The following AOAH variants were observed in gnomAD, a reference collection of about 807,000 sequenced individuals.
The protein encoded by AOAH is acyloxyacyl hydrolase.
A neutral mutation model predicts 92.2 loss-of-function variants in AOAH; 64 were observed. The ratio of observed to expected loss-of-function variants is 0.69; its 90% confidence interval spans 0.57 to 0.86. The LOEUF is 0.86. AOAH is among the 40% of genes least tolerant of loss of function. The pLI is 0.00. For synonymous variants in AOAH, 263 were observed against 254.5 expected (o/e 1.03, Z -0.32); for missense variants, 656 against 694.6 (o/e 0.94, Z 0.62).
At chr7:36,716,313 T>A (rs1194040198) in intron 1 of AOAH, among the ~76,000 whole-genome samples, 1 of 151,228 alleles carries the variant, frequency 6.6e-6, no homozygotes, top group Non-Finnish European at 1.5e-5. Flanking sequence ...CATTAAAAAG[T>A]CAGGAAACAA....
chr7:36,667,794 T>TTATGTAACTCTTATCCCTTTATCCC (rs1282139197), intron 3 of AOAH, among the ~76,000 whole-genome samples: 6 of 152,364 alleles, frequency 3.9e-5, no homozygotes, highest in South Asian at 2.1e-4. Context: ...CACTTTATCA[T>TTATGTAACTCTTATCCCTTTATCCC]TATGTAACTC....
At chr7:36,577,098 C>A (rs1417348597) in intron 12 of AOAH, among the ~76,000 whole-genome samples, 1 of 148,694 alleles carries the variant, frequency 6.7e-6, no homozygotes, top group Non-Finnish European at 1.5e-5. Context: ...ATTCTCCCTT[C>A]ATGCACTACA....
intron 1 of AOAH, among the ~76,000 whole-genome samples, chr7:36,704,416 A>G (rs1798258077): frequency 6.6e-6 from 1 of 152,208 alleles, no homozygotes; most frequent in African/African-American, 2.4e-5. Context: ...TCCTTGACAC[A>G]TACACCCTCC....
intron 16 of AOAH, among the ~76,000 whole-genome samples, chr7:36,533,793 T>C (rs942768872): frequency 6.6e-6 from 1 of 151,174 alleles, no homozygotes; most frequent in African/African-American, 2.4e-5. Flanking sequence ...CCACCCTGGG[T>C]CCTCCACGTG....
chr7:36,701,913 C>T (rs960074277), intron 1 of AOAH, among the ~76,000 whole-genome samples: 2 of 151,996 alleles, frequency 1.3e-5, no homozygotes, highest in African/African-American at 2.4e-5. Flanking sequence ...CCTCTCATAA[C>T]ATTTTTTAGT....
At chr7:36,599,127 C>T (rs1458052582) in intron 11 of AOAH, among the ~76,000 whole-genome samples, 4 of 152,114 alleles carry the variant, frequency 2.6e-5, no homozygotes, top group Admixed American at 2.6e-4. Context: ...CACATGTTTA[C>T]TATTTTGTGT....
intron 13 of AOAH, among the ~76,000 whole-genome samples, chr7:36,562,238 T>C (rs183588456): frequency 5.3e-5 from 8 of 152,308 alleles, no homozygotes; most frequent in African/African-American, 1.9e-4. Flanking sequence ...TCCTTCCCCA[T>C]CTCTATTGTC....
intron 1 of AOAH, among the ~76,000 whole-genome samples, chr7:36,687,176 C>T (rs187460592): frequency 1.2e-4 from 19 of 152,250 alleles, no homozygotes; most frequent in Non-Finnish European, 2.5e-4. Context: ...TAACTCCTGA[C>T]TTAGTAATCT....
rs1240244546 is a variant in AOAH at position 36,594,450 on chromosome 7, A to G, written c.847-20T>C. On this transcript the variant is annotated intron_variant, in intron 11 of 20. Transcript: ENST00000617537. ...AGAGTTCTAAGGAAAACAATAAAGT[A>G]GCAATTATCAAAATGGTCATTTATT... 2 of 1,586,978 alleles carry G rather than the reference A, an allele frequency of 1.3e-6. No homozygotes were observed. Among genetic ancestry groups the G allele is most frequent in the Non-Finnish European group, 1.7e-6 (2 of 1,155,490 alleles).
chr7:36,595,017 T>C lies in AOAH; in HGVS notation c.847-587A>G, dbSNP rs1790006327. On this transcript the variant is annotated intron_variant, in intron 11 of 20. Coordinates refer to ENST00000617537, the MANE Select transcript of AOAH (RefSeq NM_001637.4). ...CCCCCTGCAACTCCTGCACAATTTG[T>C]CAAGAACTCCTGATACAAAGTGTTG... is the stretch of plus-strand genomic sequence containing the variant. 3.3e-5 allele frequency among the ~76,000 whole-genome samples: 5 copies of C among 152,242 alleles called. 1 individual carries two copies. In the South Asian group the frequency reaches 1.0e-3, roughly 32 times the overall value.
intron 4 of AOAH, among the ~76,000 whole-genome samples, chr7:36,639,382 TG>T (rs1238396187): frequency 6.6e-6 from 1 of 152,222 alleles, no homozygotes; most frequent in Non-Finnish European, 1.5e-5. Flanking sequence ...CTCAATCATG[TG>T]CCCCTGCTTC....
intron 19 of AOAH, among the ~76,000 whole-genome samples, chr7:36,529,804 A>G (rs1000871293): frequency 3.9e-5 from 6 of 152,342 alleles, no homozygotes; most frequent in Non-Finnish European, 5.9e-5. Context: ...ATCAGTAGCT[A>G]TAGTAATCAT....
At chr7:36,677,854 A>C (rs1562687092) in intron 2 of AOAH, among the ~76,000 whole-genome samples, 1 of 152,156 alleles carries the variant, frequency 6.6e-6, no homozygotes, top group Non-Finnish European at 1.5e-5. Context: ...GTCACACAAG[A>C]CCAGATATTG....
At chr7:36,539,712 T>C (rs190872469) in intron 16 of AOAH, among the ~76,000 whole-genome samples, 16 of 152,294 alleles carry the variant, frequency 1.1e-4, no homozygotes, top group Admixed American at 9.8e-4. Flanking sequence ...ATCTATAAAA[T>C]GAAATTATTG....
At chr7:36,709,975 C>T (rs1433380055) in intron 1 of AOAH, among the ~76,000 whole-genome samples, 1 of 152,130 alleles carries the variant, frequency 6.6e-6, no homozygotes, top group Non-Finnish European at 1.5e-5. Context: ...CACTTTGGAA[C>T]TAAGTCACAT....
rs115216225 is a variant in AOAH, at chr7:36,653,411, G to A, written c.390+5755C>T. Among the ~76,000 whole-genome samples the A allele has an allele frequency of 9.8e-3, 1,489 of 152,266 alleles. 24 individuals are homozygous for A. Among genetic ancestry groups the A allele is most frequent in the African/African-American group, 0.035 (1,438 of 41,538 alleles). On this transcript the variant is annotated intron_variant, in intron 4 of 20. Coordinates refer to ENST00000617537, the MANE Select transcript of AOAH (RefSeq NM_001637.4). Reference sequence around the variant, plus strand: ...AGGTCAGCTTGTTTATTGCTTAGGCGAAACATAATTTGTCATGCGTCACTT... The same window carrying A: ...AGGTCAGCTTGTTTATTGCTTAGGCAAAACATAATTTGTCATGCGTCACTT...
At chr7:36,719,786 A>G (rs2117035607) in intron 1 of AOAH, among the ~76,000 whole-genome samples, 1 of 152,152 alleles carries the variant, frequency 6.6e-6, no homozygotes, top group East Asian at 1.9e-4. Context: ...AAATAAAACA[A>G]TTAGGCAGGC....
intron 13 of AOAH, among the ~76,000 whole-genome samples, chr7:36,572,646 G>A (rs1788218376): frequency 1.3e-5 from 2 of 152,176 alleles, no homozygotes; most frequent in South Asian, 2.1e-4. Flanking sequence ...CCCTGATGCT[G>A]GACATTTATG....
Position 36,621,740 on chromosome 7 carries a change from T to C in AOAH, c.623A>G (p.Asp208Gly). The change falls in exon 8 of 21, where the codon GAC becomes GGC. Residue 208 changes from aspartate to glycine, a missense_variant. Coordinates refer to ENST00000617537, the MANE Select transcript of AOAH (RefSeq NM_001637.4). ...ACCTGGGTACACTGACTCGTCGCTGTCATTACAGTCTCTCCCCCGCCAGTG... is the reference window on the plus strand; with the variant it reads ...ACCTGGGTACACTGACTCGTCGCTGCCATTACAGTCTCTCCCCCGCCAGTG... ...GYHWRGRDCN[D>G]SDESVYPGRR... 6.2e-7 allele frequency: 1 copy of C among 1,614,118 alleles called. No individual in the cohort carries two copies. Among genetic ancestry groups the C allele is most frequent in the African/African-American group, 1.3e-5 (1 of 75,044 alleles).
Sources: gnomAD v4.1 joint callset for allele counts (sites outside exome capture counted in the v4.1 genomes callset) on GRCh38, gnomAD v4.1.1 for gene constraint, MANE v1.5 for transcripts, NCBI Gene and HGNC (gene_info 2026-07-23, HGNC 2026-07-21) for gene names.